CPN1: variants seen among roughly 807,000 people sequenced by gnomAD.
CPN1 encodes the protein carboxypeptidase N subunit 1.
A neutral mutation model predicts 46.4 loss-of-function variants in CPN1; 37 were observed. The observed-to-expected ratio is 0.80, with a 90% CI of 0.61 to 1.05. CPN1 has a LOEUF of 1.05. CPN1 is among the 50% of genes least tolerant of loss of function. The pLI is 0.00. For missense variants in CPN1, 563 were observed against 602.6 expected (o/e 0.93, Z 0.69); for synonymous variants, 224 against 235.4 (o/e 0.95, Z 0.44).
chr10:100,056,932 C>G, intron 6 of CPN1, 81 bp downstream of exon 6: 1 of 1,581,716 alleles, frequency 6.3e-7, no homozygotes, highest in Non-Finnish European at 8.7e-7. Flanking sequence ...AAAGTCAGAC[C>G]TGAACCAGTG....
At chr10:100,070,907 T>C (rs915385181) in intron 2 of CPN1, among the ~76,000 whole-genome samples, 9 of 152,252 alleles carry the variant, frequency 5.9e-5, no homozygotes, top group African/African-American at 1.7e-4. Context: ...AGAACATTTC[T>C]GTCACACCAA....
chr10:100,065,275 G>A lies in CPN1; in HGVS notation c.672C>T (p.Tyr224=). ...GGTGCTCAAAGGACTTGTCATACGGGTAATTGGCCACCACCGCCCCTCCGT... is the reference window on the plus strand; with the variant it reads ...GGTGCTCAAAGGACTTGTCATACGGATAATTGGCCACCACCGCCCCTCCGT... The part of the protein sequence containing the change: ...NLHGGAVVAN[Y]PYDKSFEHRV... The change falls in exon 4 of 9, where the codon TAC becomes TAT. Residue 224 remains tyrosine, a synonymous_variant. Coordinates refer to ENST00000370418, the MANE Select transcript of CPN1 (RefSeq NM_001308.3). 5 of 1,614,052 alleles carry A rather than the reference G, an allele frequency of 3.1e-6. No homozygotes were observed. Among genetic ancestry groups the A allele is most frequent in the Non-Finnish European group, 4.2e-6 (5 of 1,180,010 alleles).
At chr10:100,078,583 G>T (rs554270325) in intron 1 of CPN1, among the ~76,000 whole-genome samples, 1 of 152,294 alleles carries the variant, frequency 6.6e-6, no homozygotes, top group South Asian at 2.1e-4. Flanking sequence ...TGTGGGCCGT[G>T]ATGTCTCTGT....
In CPN1 at chr10:100,048,874, C is replaced by A; in HGVS notation, c.1114G>T (p.Asp372Tyr). Residue 372 changes from aspartate (D) to tyrosine (Y), a missense_variant and splice_region_variant, in exon 8 of 9, where the codon GAC (aspartate) becomes TAC (tyrosine). By Grantham distance (160) the Asp-to-Tyr change is radical. Coordinates refer to ENST00000370418, the MANE Select transcript of CPN1 (RefSeq NM_001308.3). Reference sequence around the variant, plus strand: ...AGCAGCCGGAAGTAATCACCATGGTCACCTGAAAGTCACAAAGATATAACT... The same window carrying A: ...AGCAGCCGGAAGTAATCACCATGGTAACCTGAAAGTCACAAAGATATAACT... ...SGINHDVTSG[D>Y]HGDYFRLLLP... 3 of 1,609,180 alleles carry A rather than the reference C, an allele frequency of 1.9e-6. No homozygotes were observed. The South Asian group carries it at 3.3e-5, about 18-fold the overall frequency.
Position 100,081,485 on chromosome 10 carries a change from C to T in CPN1, c.141G>A (p.Arg47=), listed in dbSNP as rs1382816581. The stretch of plus-strand genomic sequence containing the variant: ...CCACGCTGCGCCCAATGCTGTAGAC[C>T]CGCGTGATGCCGGGGCATTCGTTTT... The part of the protein sequence containing the change: ...KVQNECPGIT[R]VYSIGRSVEG... The change falls in exon 1 of 9, where the codon CGG becomes CGA. Residue 47 remains arginine (R), a synonymous_variant. Transcript: ENST00000370418. 6.2e-7 allele frequency: 1 copy of T among 1,614,002 alleles called. No homozygotes were observed. Among genetic ancestry groups the T allele is most frequent in the African/African-American group, 1.3e-5 (1 of 74,906 alleles).
At chr10:100,053,978 AT>A (rs2041369943) in intron 7 of CPN1, among the ~76,000 whole-genome samples, 1 of 152,122 alleles carries the variant, frequency 6.6e-6, no homozygotes. Context: ...TTTCTACCCG[AT>A]TTCACACCAG....
intron 5 of CPN1, among the ~76,000 whole-genome samples, chr10:100,062,962 C>CA (rs2041429490): frequency 6.6e-6 from 1 of 151,896 alleles, no homozygotes; most frequent in African/African-American, 2.4e-5. Flanking sequence ...ATTATCCATC[C>CA]CAGAGCCACA....
At chr10:100,045,819 A>G (rs564338982) in intron 8 of CPN1, among the ~76,000 whole-genome samples, 2 of 152,240 alleles carry the variant, frequency 1.3e-5, no homozygotes, top group Non-Finnish European at 2.9e-5. Flanking sequence ...ATAGTAAAAG[A>G]CAAGCTTGAC....
chr10:100,068,465 G>A (rs1416036199), intron 3 of CPN1, among the ~76,000 whole-genome samples: 4 of 151,898 alleles, frequency 2.6e-5, no homozygotes, highest in Non-Finnish European at 4.4e-5. Context: ...CGCCCGCCTC[G>A]GCCTCCCAAA....
At chr10:100,077,419 CAG>C (rs1289153388) in intron 1 of CPN1, among the ~76,000 whole-genome samples, 2 of 151,946 alleles carry the variant, frequency 1.3e-5, no homozygotes, top group Non-Finnish European at 2.9e-5. Context: ...TTAATAGAGA[CAG>C]GGTTTCACCA....
chr10:100,064,881 A>AT, intron 4 of CPN1, among the ~76,000 whole-genome samples: 1 of 152,192 alleles, frequency 6.6e-6, no homozygotes, highest in South Asian at 2.1e-4. Context: ...AGACCCCCCC[A>AT]AAAATTCACA....
chr10:100,049,653 C>T (rs893130304), intron 7 of CPN1, among the ~76,000 whole-genome samples: 4 of 151,728 alleles, frequency 2.6e-5, no homozygotes, highest in Non-Finnish European at 5.9e-5. Context: ...GTGATCCTTC[C>T]GCCTCAGCCT....
At chr10:100,063,537 T>G in intron 5 of CPN1, 77 bp downstream of exon 5, 2 of 1,122,726 alleles carry the variant, frequency 1.8e-6, no homozygotes, top group Non-Finnish European at 2.7e-6. Flanking sequence ...ATTGTTTCCC[T>G]GAGAAAACTG....
At chr10:100,045,004 C>T (rs373943339) in intron 8 of CPN1, among the ~76,000 whole-genome samples, 32 of 152,346 alleles carry the variant, frequency 2.1e-4, no homozygotes, top group Non-Finnish European at 3.8e-4. Flanking sequence ...AACCACCACA[C>T]CTGGGCAATA....
At chr10:100,076,571 T>A (rs2041516494) in intron 1 of CPN1, among the ~76,000 whole-genome samples, 1 of 152,230 alleles carries the variant, frequency 6.6e-6, no homozygotes, top group African/African-American at 2.4e-5. Flanking sequence ...AGAACCTGTT[T>A]TCATGAAGTA....
intron 6 of CPN1, 66 bp downstream of exon 6, chr10:100,056,947 A>G (rs1589473351): frequency 6.2e-7 from 1 of 1,606,626 alleles, no homozygotes; most frequent in Admixed American, 1.7e-5. Context: ...CCAGTGAAAC[A>G]CCTTGCCTGC....
intron 7 of CPN1, among the ~76,000 whole-genome samples, chr10:100,053,269 T>C (rs1055028881): frequency 2.6e-5 from 4 of 152,112 alleles, no homozygotes; most frequent in Non-Finnish European, 5.9e-5. Flanking sequence ...CTTAAACAGA[T>C]TGTAGGAATT....
intron 3 of CPN1, among the ~76,000 whole-genome samples, chr10:100,067,918 C>G (rs2041463419): frequency 6.6e-6 from 1 of 152,034 alleles, no homozygotes; most frequent in African/African-American, 2.4e-5. Context: ...CTTTGGGAGG[C>G]TGAGGTGGGC....
At chr10:100,068,226 T>G (rs1293007390) in intron 3 of CPN1, among the ~76,000 whole-genome samples, 14 of 149,926 alleles carry the variant, frequency 9.3e-5, no homozygotes, top group African/African-American at 3.2e-4. Context: ...TTTTTTTTTT[T>G]TTTTTGAGAC....
Sources: allele counts gnomAD v4.1 joint callset (sites outside exome capture counted in the v4.1 genomes callset), GRCh38; gene constraint gnomAD v4.1.1; transcripts MANE v1.5; gene names NCBI Gene and HGNC (gene_info 2026-07-23, HGNC 2026-07-21).